The following MYO3B variants were observed in gnomAD, a reference collection of about 807,000 sequenced individuals.
MYO3B encodes the protein myosin-IIIb.
A neutral mutation model predicts 174.6 loss-of-function variants in MYO3B; 156 were observed. The observed-to-expected ratio is 0.89, with a 90% CI of 0.78 to 1.02. The LOEUF (loss-of-function observed/expected upper bound fraction) is 1.02, where lower values mean the gene tolerates loss of function less well. Ranked by LOEUF, MYO3B falls within the 50% of genes least tolerant of loss-of-function variation. MYO3B has a pLI of 0.00. For synonymous variants in MYO3B, 563 were observed against 569.1 expected (o/e 0.99, Z 0.15); for missense variants, 1,632 against 1,639.4 (o/e 1.00, Z 0.08).
chr2:170,531,001 C>A (rs1376178905), intron 30 of MYO3B, among the ~76,000 whole-genome samples: 1 of 152,162 alleles, frequency 6.6e-6, no homozygotes, highest in Non-Finnish European at 1.5e-5. Flanking sequence ...TCTCCTCCAC[C>A]CCAACATGGC....
intron 1 of MYO3B, among the ~76,000 whole-genome samples, chr2:170,183,414 C>A (rs2032966): frequency 0.43 from 65,021 of 151,906 alleles, 15,164 homozygotes; most frequent in East Asian, 0.56. Flanking sequence ...ATACATTCTG[C>A]TCTGTTCTCG....
intron 8 of MYO3B, among the ~76,000 whole-genome samples, chr2:170,347,362 T>G (rs2094024335): frequency 6.6e-6 from 1 of 152,040 alleles, no homozygotes. Flanking sequence ...AGCACTTTGG[T>G]AGGCTGAGGC....
At chr2:170,592,992 G>A (rs1693913223) in intron 32 of MYO3B, among the ~76,000 whole-genome samples, 1 of 151,964 alleles carries the variant, frequency 6.6e-6, no homozygotes, top group Non-Finnish European at 1.5e-5. Flanking sequence ...TAAATAGGTA[G>A]ATAGATAGAT....
chr2:170,519,556 T>C lies in MYO3B; in HGVS notation c.3575+16T>C. ...AGAAAAATGGGTGAGCATTATCTGC[T>C]AAGAGTTCCCTGTTGTAAACTCAGG... On this transcript the variant is annotated intron_variant, in intron 30 of 34. Transcript: ENST00000408978. The C allele has an allele frequency of 3.8e-6, 6 of 1,598,886 alleles. No homozygotes were observed. The highest frequency in any genetic ancestry group is 5.1e-6 in the Non-Finnish European group (6 of 1,166,514).
intron 34 of MYO3B, among the ~76,000 whole-genome samples, chr2:170,652,691 C>A (rs975708446): frequency 1.3e-5 from 2 of 152,144 alleles, no homozygotes; most frequent in East Asian, 1.9e-4. Flanking sequence ...CTAGAGGGAA[C>A]CAGATGGAGA....
intron 7 of MYO3B, among the ~76,000 whole-genome samples, chr2:170,315,096 T>C (rs2093765944): frequency 6.6e-6 from 1 of 152,242 alleles, no homozygotes; most frequent in African/African-American, 2.4e-5. Context: ...TTTTATTCTG[T>C]TGGTTTATGA....
chr2:170,284,750 A>G (rs1174231121), intron 7 of MYO3B, among the ~76,000 whole-genome samples: 1 of 152,230 alleles, frequency 6.6e-6, no homozygotes, highest in Non-Finnish European at 1.5e-5. Context: ...ACATTTGCTT[A>G]AATTCCTTTT....
Position 170,197,965 on chromosome 2 carries a change from G to C in MYO3B, c.3-1243G>C, listed in dbSNP as rs76814651. Among the ~76,000 whole-genome samples, 233 of 152,252 alleles carry C rather than the reference G, an allele frequency of 1.5e-3. 7 individuals are homozygous for C. The East Asian group carries it at 0.044, about 29-fold the overall frequency. ...ACATGGGCGAATCAGCCACACGTCA[G>C]ACTGAGCATGTTTAGTGCTCACTGC... is the stretch of plus-strand genomic sequence containing the variant. On this transcript the variant is annotated intron_variant, in intron 1 of 34. Coordinates refer to ENST00000408978, the MANE Select transcript of MYO3B (RefSeq NM_138995.5).
intron 5 of MYO3B, among the ~76,000 whole-genome samples, chr2:170,217,038 GA>G (rs5836266): frequency 6.7e-5 from 10 of 149,210 alleles, no homozygotes; most frequent in South Asian, 4.2e-4. Context: ...TAAATGATTG[GA>G]AAAAAAAAAC....
chr2:170,189,854 G>A (rs1161446112), intron 1 of MYO3B, among the ~76,000 whole-genome samples: 35 of 152,014 alleles, frequency 2.3e-4, no homozygotes, highest in Admixed American at 2.3e-3. Context: ...AGTTTGTTTG[G>A]TTAGGTCATG....
At chr2:170,359,953 A>T (rs1188316304) in intron 8 of MYO3B, among the ~76,000 whole-genome samples, 1 of 152,090 alleles carries the variant, frequency 6.6e-6, no homozygotes, top group Non-Finnish European at 1.5e-5. Flanking sequence ...TTTTGAATGA[A>T]TCAATGAAAT....
chr2:170,642,467 G>T (rs1020388981), intron 32 of MYO3B, among the ~76,000 whole-genome samples: 2 of 152,108 alleles, frequency 1.3e-5, no homozygotes, highest in Non-Finnish European at 2.9e-5. Context: ...TAAAAAGCAG[G>T]ATCTGAATTA....
In MYO3B at chr2:170,487,525, G is replaced by T. The variant is rs553848643; in HGVS notation, c.3015-11067G>T. On this transcript the variant is annotated intron_variant, in intron 25 of 34. Transcript: ENST00000408978. ...CAAAGTGGTGAATGGTGACAACATG[G>T]TTATACCAAAGCCCTAAAACTCTAC... is the stretch of plus-strand genomic sequence containing the variant. 1.3e-4 allele frequency among the ~76,000 whole-genome samples: 20 copies of T among 152,312 alleles called. No individual in the cohort carries two copies. In the South Asian group the frequency reaches 2.5e-3, roughly 19 times the overall value.
chr2:170,219,063 G>A (rs2092862288), intron 6 of MYO3B, among the ~76,000 whole-genome samples: 1 of 152,124 alleles, frequency 6.6e-6, no homozygotes, highest in Non-Finnish European at 1.5e-5. Flanking sequence ...TAAACCCTTG[G>A]TGTACTATTA....
intron 32 of MYO3B, among the ~76,000 whole-genome samples, chr2:170,607,959 A>G (rs1040304678): frequency 6.6e-6 from 1 of 152,206 alleles, no homozygotes; most frequent in Non-Finnish European, 1.5e-5. Context: ...AAGGAGAAGT[A>G]ATATAATTAG....
At chr2:170,281,214 A>C (rs1489405145) in intron 7 of MYO3B, among the ~76,000 whole-genome samples, 2 of 152,130 alleles carry the variant, frequency 1.3e-5, no homozygotes, top group African/African-American at 2.4e-5. Context: ...CTGTATTCCC[A>C]GGTATTTTAT....
intron 6 of MYO3B, among the ~76,000 whole-genome samples, chr2:170,231,342 A>G (rs2093013812): frequency 6.6e-6 from 1 of 152,176 alleles, no homozygotes. Flanking sequence ...ATTAGTGAAA[A>G]CTTGTTTCTT....
At chr2:170,608,813 C>T (rs929337924) in intron 32 of MYO3B, among the ~76,000 whole-genome samples, 1 of 152,046 alleles carries the variant, frequency 6.6e-6, no homozygotes, top group African/African-American at 2.4e-5. Flanking sequence ...CCAGGGCCCA[C>T]AATATAAAGT....
At chr2:170,258,940 C>G (rs1408372063) in intron 7 of MYO3B, among the ~76,000 whole-genome samples, 1 of 152,034 alleles carries the variant, frequency 6.6e-6, no homozygotes, top group African/African-American at 2.4e-5. Context: ...AACTGAGAGC[C>G]AAATCAAGAA....
Sources: gnomAD v4.1 joint callset for allele counts (sites outside exome capture counted in the v4.1 genomes callset) on GRCh38, gnomAD v4.1.1 for gene constraint, MANE v1.5 for transcripts, NCBI Gene and HGNC (gene_info 2026-07-23, HGNC 2026-07-21) for gene names.